Variants in CHST11 observed in about 807,000 individuals in gnomAD.
CHST11 encodes C4S-1.
In CHST11, 9 loss-of-function variants were observed where a neutral mutation model predicts 30.4. The observed-to-expected ratio is 0.30, with a 90% CI of 0.18 to 0.52. The LOEUF is 0.52. Among genes scored for constraint, CHST11 ranks in the 20% least tolerant of loss-of-function variants. The pLI, the probability that CHST11 is intolerant of heterozygous loss-of-function variation, is 0.97. For missense variants in CHST11, 348 were observed against 460.6 expected (o/e 0.76, Z 2.24); for synonymous variants, 152 against 187.8 (o/e 0.81, Z 1.56).
chr12:104,549,953 C>T (rs770191914), intron 1 of CHST11, among the ~76,000 whole-genome samples: 21 of 152,216 alleles, frequency 1.4e-4, no homozygotes, highest in Non-Finnish European at 2.8e-4. Context: ...TGTTTTGAAA[C>T]GATGACTCAC....
intron 2 of CHST11, among the ~76,000 whole-genome samples, chr12:104,670,280 A>G (rs1368202028): frequency 6.6e-6 from 1 of 152,068 alleles, no homozygotes; most frequent in Non-Finnish European, 1.5e-5. Context: ...CGAGTCCTCA[A>G]AACCAAGGGG....
chr12:104,624,324 G>A (rs1353666502), intron 2 of CHST11, among the ~76,000 whole-genome samples: 1 of 152,188 alleles, frequency 6.6e-6, no homozygotes, highest in African/African-American at 2.4e-5. Context: ...AGACAGGGAT[G>A]GAAGGAGTGG....
chr12:104,600,276 CCTCAGATTGA>C lies in CHST11; in HGVS notation c.119-1627_119-1618del, dbSNP rs2038946313. Among the ~76,000 whole-genome samples, 4 of 152,256 alleles carry C rather than the reference CCTCAGATTGA, an allele frequency of 2.6e-5. No homozygotes were observed. The South Asian group carries it at 8.3e-4, about 32-fold the overall frequency. On this transcript the variant is annotated intron_variant, in intron 1 of 2. Coordinates refer to ENST00000303694, the MANE Select transcript of CHST11 (RefSeq NM_018413.6). The surrounding 1 kb of genome is among the most constrained non-coding windows in gnomAD (Gnocchi z 4.1). ...TGGATGACTCTCCTCCCTTTCCTGA[CCTCAGATTGA>C]CTTCTAAGCAGAGGTCCCTGGGCTA...
chr12:104,615,919 C>T (rs2039103888), intron 2 of CHST11, among the ~76,000 whole-genome samples: 1 of 152,128 alleles, frequency 6.6e-6, no homozygotes, highest in Non-Finnish European at 1.5e-5. Flanking sequence ...CAGAGCAAGA[C>T]TCTGTCTCAA....
At chr12:104,720,056 T>A (rs2040161506) in intron 2 of CHST11, among the ~76,000 whole-genome samples, 2 of 152,238 alleles carry the variant, frequency 1.3e-5, no homozygotes, top group Admixed American at 1.3e-4. Flanking sequence ...TGGAGGGGCT[T>A]GTAAACATGT....
Position 104,757,290 on chromosome 12 carries a change from C to G in CHST11, c.546C>G (p.Phe182Leu). 6.2e-7 allele frequency: 1 copy of G among 1,614,124 alleles called. No individual in the cohort carries two copies. Among genetic ancestry groups the G allele is most frequent in the African/African-American group, 1.3e-5 (1 of 75,006 alleles). Reference sequence around the variant, plus strand: ...ACCGCTTGAAAAGCTACATGAAGTTCCTGTTTGTCCGGGAGCCCTTCGAGA... The same window carrying G: ...ACCGCTTGAAAAGCTACATGAAGTTGCTGTTTGTCCGGGAGCCCTTCGAGA... Reference protein sequence around the residue: ...INHRLKSYMKFLFVREPFERL... With the variant: ...INHRLKSYMKLLFVREPFERL... Residue 182 changes from phenylalanine to leucine, a missense_variant, in exon 3 of 3, where the codon TTC becomes TTG. By Grantham distance (22) the Phe-to-Leu change is conservative. Coordinates refer to ENST00000303694, the MANE Select transcript of CHST11 (RefSeq NM_018413.6). The surrounding 1 kb of genome is among the most constrained non-coding windows in gnomAD (Gnocchi z 6.5).
At chr12:104,463,430 G>C (rs546785332) in intron 1 of CHST11, among the ~76,000 whole-genome samples, 19 of 152,224 alleles carry the variant, frequency 1.2e-4, no homozygotes, top group African/African-American at 4.6e-4. Flanking sequence ...TCCAATGTGA[G>C]TGATTGAAAC....
intron 2 of CHST11, among the ~76,000 whole-genome samples, chr12:104,688,390 T>C (rs1566038697): frequency 1.3e-5 from 2 of 152,086 alleles, no homozygotes; most frequent in Admixed American, 1.3e-4. Context: ...CAAGGAGAAG[T>C]AACTCACCAC....
chr12:104,622,329 T>A (rs959068230), intron 2 of CHST11, among the ~76,000 whole-genome samples: 1 of 152,210 alleles, frequency 6.6e-6, no homozygotes, highest in African/African-American at 2.4e-5. Context: ...CACTGTTTAG[T>A]CAGTACATTT....
At chr12:104,659,790 A>ACCCCCCC (rs36101250) in intron 2 of CHST11, among the ~76,000 whole-genome samples, 1 of 146,456 alleles carries the variant, frequency 6.8e-6, no homozygotes. Flanking sequence ...ACATAGTGAG[A>ACCCCCCC]CCCCCCCCCG....
intron 2 of CHST11, among the ~76,000 whole-genome samples, chr12:104,626,892 G>A (rs1268238961): frequency 2.6e-5 from 4 of 152,106 alleles, no homozygotes; most frequent in Non-Finnish European, 5.9e-5. Flanking sequence ...TTACATTAGG[G>A]TTCACTGTTG....
intron 1 of CHST11, among the ~76,000 whole-genome samples, chr12:104,475,658 T>TTATATATATA (rs67453124): frequency 0.022 from 746 of 33,812 alleles, 39 homozygotes; most frequent in Non-Finnish European, 0.028. Context: ...TAAAGCAGCA[T>TTATATATATA]TATATATATA....
chr12:104,711,292 G>A (rs1165887760), intron 2 of CHST11, among the ~76,000 whole-genome samples: 3 of 152,070 alleles, frequency 2.0e-5, no homozygotes, highest in Non-Finnish European at 4.4e-5. Context: ...CCTTTCATAG[G>A]CAGTCCCTGG....
At chr12:104,565,396 A>G (rs2038554269) in intron 1 of CHST11, among the ~76,000 whole-genome samples, 1 of 150,346 alleles carries the variant, frequency 6.7e-6, no homozygotes. Flanking sequence ...CCTCCCGAGT[A>G]GCTGGGACTA....
chr12:104,671,407 T>C (rs1463935707), intron 2 of CHST11, among the ~76,000 whole-genome samples: 1 of 152,200 alleles, frequency 6.6e-6, no homozygotes, highest in Non-Finnish European at 1.5e-5. Flanking sequence ...CTTAGGGTTG[T>C]TAAGAATATT....
intron 2 of CHST11, among the ~76,000 whole-genome samples, chr12:104,614,631 G>C (rs1032231993): frequency 6.6e-6 from 1 of 152,112 alleles, no homozygotes; most frequent in Admixed American, 6.5e-5. Flanking sequence ...CTAGGCATGT[G>C]TATGTGTGTG....
At chr12:104,457,576 C>G in intron 1 of CHST11, 47 bp downstream of exon 1, 1 of 1,323,022 alleles carries the variant, frequency 7.6e-7, no homozygotes, top group Non-Finnish European at 1.1e-6. Flanking sequence ...TCTTCTCTCT[C>G]GCGCTCTAGC....
intron 2 of CHST11, among the ~76,000 whole-genome samples, chr12:104,669,032 A>G (rs879443017): frequency 6.6e-6 from 1 of 152,256 alleles, no homozygotes; most frequent in Middle Eastern, 3.4e-3. Flanking sequence ...CTTTCTCCCC[A>G]TTTCTGTGGG....
intron 1 of CHST11, among the ~76,000 whole-genome samples, chr12:104,480,845 T>G (rs867781220): frequency 2.1e-4 from 32 of 152,194 alleles, no homozygotes; most frequent in African/African-American, 7.7e-4. Flanking sequence ...TTTGGACTTG[T>G]GGTCTCCAGA....
Sources: allele counts gnomAD v4.1 joint callset (sites outside exome capture counted in the v4.1 genomes callset), GRCh38; gene constraint gnomAD v4.1.1; non-coding constraint Gnocchi (gnomAD v3.1); transcripts MANE v1.5; gene names NCBI Gene and HGNC (gene_info 2026-07-23, HGNC 2026-07-21).